Variants in AKAP7 observed in about 807,000 individuals in gnomAD.
AKAP7 encodes A kinase (PRKA) anchor protein 7.
In AKAP7, 39 loss-of-function variants were observed where a neutral mutation model predicts 39.5. The ratio of observed to expected loss-of-function variants is 0.99; its 90% CI spans 0.76 to 1.29. The LOEUF (loss-of-function observed/expected upper bound fraction) is 1.29, where lower values mean the gene tolerates loss of function less well. AKAP7 is among the 50% of genes most tolerant of loss of function. The pLI, the probability that AKAP7 is intolerant of heterozygous loss-of-function variation, is 0.00. For synonymous variants in AKAP7, 140 were observed against 139.1 expected, an observed-to-expected ratio of 1.01 and a Z score of -0.05; for missense variants, 414 against 407.7, an observed-to-expected ratio of 1.02 and a Z score of -0.13.
At chr6:131,136,899 GC>G in intron 1 of AKAP7, 2 of 982,772 alleles carry the variant, frequency 2.0e-6, no homozygotes, top group Middle Eastern at 5.2e-4. Context: ...GATGCCCTTA[GC>G]CCTTTCCAGT....
At chr6:131,144,926 G>A (rs2128227077) in intron 1 of AKAP7, among the ~76,000 whole-genome samples, 1 of 152,312 alleles carries the variant, frequency 6.6e-6, no homozygotes, top group Admixed American at 6.5e-5. Flanking sequence ...AAATAAGAAT[G>A]AGAATGACTG....
chr6:131,244,707 T>C (rs2128315153), intron 7 of AKAP7, among the ~76,000 whole-genome samples: 2 of 152,346 alleles, frequency 1.3e-5, no homozygotes, highest in East Asian at 3.9e-4. Context: ...GATTTCGGAA[T>C]GACTCTTGTG....
At chr6:131,151,174 C>T (rs931911290) in intron 2 of AKAP7, among the ~76,000 whole-genome samples, 3 of 151,794 alleles carry the variant, frequency 2.0e-5, no homozygotes, top group Non-Finnish European at 1.5e-5. Flanking sequence ...TCCCGAGTAG[C>T]TGGGATTACA....
intron 7 of AKAP7, among the ~76,000 whole-genome samples, chr6:131,242,614 A>G (rs1811713322): frequency 6.6e-6 from 1 of 152,058 alleles, no homozygotes; most frequent in Non-Finnish European, 1.5e-5. Flanking sequence ...ACTAGCAGAC[A>G]CTAGTAGCTT....
intron 6 of AKAP7, among the ~76,000 whole-genome samples, chr6:131,205,811 C>A (rs1585086149): frequency 1.3e-5 from 2 of 152,114 alleles, no homozygotes; most frequent in East Asian, 3.9e-4. Context: ...GAATCATTAT[C>A]ATTGTATTCT....
At chr6:131,192,671 G>A (rs1336074873) in intron 5 of AKAP7, among the ~76,000 whole-genome samples, 2 of 152,096 alleles carry the variant, frequency 1.3e-5, no homozygotes, top group Admixed American at 6.6e-5. Context: ...GATTGCTTTG[G>A]GTAGTTTGGA....
intron 7 of AKAP7, among the ~76,000 whole-genome samples, chr6:131,263,750 A>AGAGAAGG (rs1454135371): frequency 6.6e-6 from 1 of 152,144 alleles, no homozygotes; most frequent in Non-Finnish European, 1.5e-5. Flanking sequence ...TACTTTTATA[A>AGAGAAGG]GAGAAGGGTG....
intron 7 of AKAP7, among the ~76,000 whole-genome samples, chr6:131,221,787 G>A (rs1809718778): frequency 6.6e-6 from 1 of 152,148 alleles, no homozygotes; most frequent in African/African-American, 2.4e-5. Context: ...GGTTTACTGA[G>A]TATTTTAACT....
intron 2 of AKAP7, among the ~76,000 whole-genome samples, chr6:131,153,723 G>C (rs1176153618): frequency 6.6e-6 from 1 of 152,060 alleles, no homozygotes; most frequent in Non-Finnish European, 1.5e-5. Flanking sequence ...GTTCATATTG[G>C]AGTGTGAGTA....
At chr6:131,156,468 A>C (rs1802426761) in intron 2 of AKAP7, among the ~76,000 whole-genome samples, 1 of 151,706 alleles carries the variant, frequency 6.6e-6, no homozygotes, top group Non-Finnish European at 1.5e-5. Context: ...TGAGACCCCC[A>C]CCTCTACAAA....
intron 5 of AKAP7, among the ~76,000 whole-genome samples, chr6:131,195,244 A>G (rs549461941): frequency 4.3e-4 from 66 of 152,204 alleles, no homozygotes; most frequent in Non-Finnish European, 8.2e-4. Context: ...TGCAAATATT[A>G]TAACTCATTA....
At chr6:131,141,792 A>G (rs1408023678) in intron 1 of AKAP7, among the ~76,000 whole-genome samples, 1 of 152,190 alleles carries the variant, frequency 6.6e-6, no homozygotes, top group Non-Finnish European at 1.5e-5. Flanking sequence ...GTTATGCCCT[A>G]GCAAAGAATT....
chr6:131,131,846 AG>A (rs1169635145), upstream of AKAP7, among the ~76,000 whole-genome samples: 2 of 152,176 alleles, frequency 1.3e-5, no homozygotes, highest in Non-Finnish European at 2.9e-5. Flanking sequence ...GCAGTAGGAC[AG>A]TTCAATGTAC....
chr6:131,191,624 A>G (rs542709891), intron 5 of AKAP7, among the ~76,000 whole-genome samples: 1 of 152,308 alleles, frequency 6.6e-6, no homozygotes, highest in East Asian at 1.9e-4. Flanking sequence ...GAAAAGGACC[A>G]TGCAGAATTC....
chr6:131,219,839 T>C, intron 7 of AKAP7, 31 bp downstream of exon 7: 1 of 1,396,800 alleles, frequency 7.2e-7, no homozygotes, highest in Non-Finnish European at 9.4e-7. Context: ...ATTTATTATC[T>C]TTATTTTTAA....
intron 7 of AKAP7, among the ~76,000 whole-genome samples, chr6:131,223,595 A>G (rs997460395): frequency 5.9e-5 from 9 of 152,182 alleles, no homozygotes; most frequent in African/African-American, 2.2e-4. Flanking sequence ...ATGAGGACCA[A>G]ACATTTCTGT....
chr6:131,197,921 A>G (rs770110180), intron 5 of AKAP7, among the ~76,000 whole-genome samples: 1 of 152,210 alleles, frequency 6.6e-6, no homozygotes, highest in Admixed American at 6.6e-5. Flanking sequence ...ATTGGTGATC[A>G]GACAAAGAAA....
chr6:131,146,724 G>A (rs1801517728), intron 2 of AKAP7, among the ~76,000 whole-genome samples: 1 of 152,148 alleles, frequency 6.6e-6, no homozygotes, highest in Non-Finnish European at 1.5e-5. Flanking sequence ...CAAATCATCT[G>A]CTTTAGTCTC....
chr6:131,269,509 C>T (rs528918148), intron 7 of AKAP7, among the ~76,000 whole-genome samples: 5 of 152,266 alleles, frequency 3.3e-5, no homozygotes, highest in East Asian at 1.9e-4. Context: ...AGGAAACCAC[C>T]GTGGTTACCA....
Sources: allele counts gnomAD v4.1 joint callset (sites outside exome capture counted in the v4.1 genomes callset), GRCh38; gene constraint gnomAD v4.1.1; transcripts MANE v1.5; gene names NCBI Gene and HGNC (gene_info 2026-07-23, HGNC 2026-07-21).